The following ZNF148 variants were observed in gnomAD, a reference collection of about 807,000 sequenced individuals.
ZNF148 encodes the protein zinc finger protein 148.
Under a neutral mutation model 67.7 loss-of-function variants are expected in ZNF148, and 7 were observed. The ratio of observed to expected loss-of-function variants is 0.10; its 90% CI spans 0.06 to 0.19. The LOEUF is 0.19. Ranked by LOEUF, ZNF148 falls within the 10% of genes least tolerant of loss-of-function variation. The probability of loss-of-function intolerance (pLI) is 1.00; values close to 1 mark genes in which losing one functional copy is unlikely to be tolerated. For missense variants in ZNF148, 583 were observed against 947.1 expected, an observed-to-expected ratio of 0.62 and a Z score of 5.05; for synonymous variants, 333 against 330.7, an observed-to-expected ratio of 1.01 and a Z score of -0.08.
intron 1 of ZNF148, among the ~76,000 whole-genome samples, chr3:125,338,468 A>G (rs533661454): frequency 6.6e-6 from 1 of 152,086 alleles, no homozygotes; most frequent in South Asian, 2.1e-4. Flanking sequence ...TAAAGTGTCA[A>G]TTCTTTGTCA....
chr3:125,229,869 T>C lies in ZNF148; in HGVS notation c.*2472A>G, dbSNP rs1468057540. On this transcript the variant is annotated 3_prime_UTR_variant, in exon 9 of 9. Transcript: ENST00000360647. ...TCATATTATGATAGAACAAGGTAACTCTGGTAGGCATTTGGAATTTCACAG... is the reference window on the plus strand; with the variant it reads ...TCATATTATGATAGAACAAGGTAACCCTGGTAGGCATTTGGAATTTCACAG... 1 of 152,540 alleles carries C rather than the reference T, an allele frequency of 6.6e-6. No homozygotes were observed. The highest frequency in any genetic ancestry group is 2.4e-5 in the African/African-American group (1 of 41,448). The allele number at this position is 152,540 out of a possible 1,614,324, so 9.4% of individuals were successfully genotyped here.
intron 1 of ZNF148, among the ~76,000 whole-genome samples, chr3:125,345,111 A>G (rs1162665396): frequency 6.6e-6 from 1 of 152,204 alleles, no homozygotes; most frequent in Admixed American, 6.5e-5. Flanking sequence ...TAACAGCAGA[A>G]TACACATTTT....
intron 1 of ZNF148, among the ~76,000 whole-genome samples, chr3:125,358,835 T>C (rs985904082): frequency 6.6e-6 from 1 of 152,242 alleles, no homozygotes; most frequent in African/African-American, 2.4e-5. Flanking sequence ...TCTTGGATAT[T>C]GGCTCTTCTC....
rs1194661053 is a variant in ZNF148, at chr3:125,227,236, C to CAATAGGA, written c.*5098_*5104dup. The CAATAGGA allele has an allele frequency of 3.9e-5, 6 of 152,430 alleles. No individual in the cohort carries two copies. The East Asian group carries it at 1.2e-3, about 29-fold the overall frequency. 9.4% of individuals were successfully genotyped at this position (152,430 alleles called of 1,614,324 possible). On this transcript the variant is annotated 3_prime_UTR_variant, in exon 9 of 9. Transcript: ENST00000360647. ...CTATATTATGTACATATTTAATTAT[C>CAATAGGA]AATAGGAAATAGAAAATAAAAATTT...
intron 1 of ZNF148, among the ~76,000 whole-genome samples, chr3:125,359,962 A>G (rs1942486269): frequency 6.6e-6 from 1 of 152,226 alleles, no homozygotes; most frequent in South Asian, 2.1e-4. Flanking sequence ...TGCAGCTGGC[A>G]CAACTGGGCC....
chr3:125,313,795 A>G (rs190415466), intron 3 of ZNF148, 139 bp from the exon 4 acceptor site: 1 of 682,354 alleles, frequency 1.5e-6, no homozygotes, highest in East Asian at 2.8e-5. Flanking sequence ...CCAATTTTAA[A>G]ATTATAATAC....
In ZNF148 at chr3:125,297,880, A is replaced by G. The variant is rs369426461; in HGVS notation, c.334-9652T>C. On this transcript the variant is annotated intron_variant, in intron 4 of 8. Coordinates refer to ENST00000360647, the MANE Select transcript of ZNF148 (RefSeq NM_021964.3). ...AATTCTAAGTATATAACCAACAGAAATGAGTACATACACACACAAGTGACA... is the reference window on the plus strand; with the variant it reads ...AATTCTAAGTATATAACCAACAGAAGTGAGTACATACACACACAAGTGACA... Among the ~76,000 whole-genome samples the G allele has an allele frequency of 3.5e-4, 53 of 152,324 alleles. No homozygotes were observed. The East Asian group carries it at 7.5e-3, about 22-fold the overall frequency.
chr3:125,344,410 A>C (rs1387462653), intron 1 of ZNF148: 1 of 721,302 alleles, frequency 1.4e-6, no homozygotes, highest in Non-Finnish European at 2.5e-6. Flanking sequence ...TGGCCTCCTC[A>C]GGGACCCCAT....
In ZNF148 at chr3:125,226,525, A is replaced by G. The variant is rs1316110357; in HGVS notation, c.*5816T>C. ...TGGTTTTATAAACTCCAAATGGCAA[A>G]GATAACTATATGACAATAGTGTTGA... On this transcript the variant is annotated 3_prime_UTR_variant, in exon 9 of 9. Transcript: ENST00000360647. The G allele has an allele frequency of 6.6e-6, 1 of 152,632 alleles. No homozygotes were observed. Among genetic ancestry groups the G allele is most frequent in the South Asian group, 2.1e-4 (1 of 4,830 alleles). 9.5% of individuals were successfully genotyped at this position (152,632 alleles called of 1,614,324 possible).
chr3:125,338,989 A>G (rs956500851), intron 1 of ZNF148: 11 of 152,198 alleles, frequency 7.2e-5, no homozygotes, highest in Non-Finnish European at 1.2e-4. Context: ...GAGATTTGCC[A>G]TAAGAATCAA....
intron 1 of ZNF148, among the ~76,000 whole-genome samples, chr3:125,368,966 A>AC (rs58362599): frequency 6.7e-6 from 1 of 149,170 alleles, no homozygotes; most frequent in Admixed American, 6.7e-5. Flanking sequence ...AAACAAACAA[A>AC]AGTGTGCCTC....
chr3:125,304,170 G>GATACC (rs1939746959), intron 4 of ZNF148, among the ~76,000 whole-genome samples: 1 of 152,162 alleles, frequency 6.6e-6, no homozygotes, highest in African/African-American at 2.4e-5. Flanking sequence ...ACAGAAGGAA[G>GATACC]AGGGCTTCTA....
chr3:125,260,604 G>T (rs1359790023), intron 7 of ZNF148, among the ~76,000 whole-genome samples: 1 of 152,210 alleles, frequency 6.6e-6, no homozygotes, highest in African/African-American at 2.4e-5. Flanking sequence ...GTCATGGGGT[G>T]TTGGTAGGAG....
intron 1 of ZNF148, among the ~76,000 whole-genome samples, chr3:125,367,348 T>C (rs1230068608): frequency 1.3e-5 from 2 of 152,210 alleles, no homozygotes; most frequent in African/African-American, 4.8e-5. Flanking sequence ...TTCAGAATCA[T>C]GCTTTCTATC....
intron 4 of ZNF148, among the ~76,000 whole-genome samples, chr3:125,291,076 A>G (rs531347202): frequency 4.5e-4 from 69 of 152,204 alleles, no homozygotes; most frequent in African/African-American, 1.6e-3. Flanking sequence ...GTTTCACTAC[A>G]GTTGCAAATT....
rs1938807112 is a variant in ZNF148 at position 125,288,177 on chromosome 3, T to C, written c.385A>G (p.Arg129Gly). The C allele has an allele frequency of 1.9e-6, 3 of 1,613,712 alleles. No homozygotes were observed. The highest frequency in any genetic ancestry group is 1.7e-5 in the Admixed American group (1 of 59,924). The change falls in exon 5 of 9, where the codon AGA (arginine) becomes GGA (glycine). Residue 129 changes from arginine (R) to glycine (G), a missense_variant. This residue lies in a region of ZNF148 where 150 missense variants were observed against 202.5 expected (regional missense o/e 0.74). Coordinates refer to ENST00000360647, the MANE Select transcript of ZNF148 (RefSeq NM_021964.3). ...GGCTCTCTGATTTGTTTTTTGTCTC[T>C]CATCAGTTGCTCAGATACATCAGTA... ...TFTDVSEQLM[R>G]DKKQIREPVD...
intron 1 of ZNF148, among the ~76,000 whole-genome samples, chr3:125,358,866 T>C (rs1942450634): frequency 6.6e-6 from 1 of 152,198 alleles, no homozygotes; most frequent in African/African-American, 2.4e-5. Context: ...GGAAAACTTC[T>C]CCATGCCACC....
chr3:125,344,497 AAG>A, intron 1 of ZNF148: 1 of 1,159,914 alleles, frequency 8.6e-7, no homozygotes. Context: ...AAATTCCCTG[AAG>A]ACATCATCTG....
intron 7 of ZNF148, among the ~76,000 whole-genome samples, chr3:125,236,083 AAAACTT>A (rs1255997897): frequency 9.7e-6 from 1 of 103,238 alleles, no homozygotes; most frequent in Non-Finnish European, 1.9e-5. Flanking sequence ...CATGTATCCT[AAAACTT>A]AAAGTATTAA....
Sources: gnomAD v4.1 joint callset for allele counts (sites outside exome capture counted in the v4.1 genomes callset) on GRCh38, gnomAD v4.1.1 for gene constraint, gnomAD v4.1.1 regional missense constraint, MANE v1.5 for transcripts, NCBI Gene and HGNC (gene_info 2026-07-23, HGNC 2026-07-21) for gene names.